PRELID2: variants seen among roughly 807,000 people sequenced by gnomAD.
The protein encoded by PRELID2 is PRELI domain containing 2.
A neutral mutation model predicts 28.4 loss-of-function variants in PRELID2; 25 were observed. The observed-to-expected ratio is 0.88, with a 90% confidence interval of 0.64 to 1.23. The LOEUF (loss-of-function observed/expected upper bound fraction) is 1.23, where lower values mean the gene tolerates loss of function less well. PRELID2 is among the 50% of genes most tolerant of loss of function. The pLI, the probability that PRELID2 is intolerant of heterozygous loss-of-function variation, is 0.00. For synonymous variants in PRELID2, 76 were observed against 71.6 expected (o/e 1.06, Z -0.31); for missense variants, 201 against 214.4 (o/e 0.94, Z 0.39).
In PRELID2 at chr5:145,756,694, G is replaced by A. The variant is rs374810109; in HGVS notation, c.*3842C>T. ...ACTGAAATAATGTCACCAAGTCAAT[G>A]TAGCAAAGTACATTCATTTTTATTG... On this transcript the variant is annotated 3_prime_UTR_variant, in exon 7 of 7. Coordinates refer to ENST00000683046, the MANE Select transcript of PRELID2 (RefSeq NM_205846.3). Among the ~76,000 whole-genome samples, 3 of 152,222 alleles carry A rather than the reference G, an allele frequency of 2.0e-5. No individual in the cohort carries two copies. Among genetic ancestry groups the A allele is most frequent in the African/African-American group, 7.2e-5 (3 of 41,464 alleles).
At chr5:145,434,530 C>T in the PRELID2 span, among the ~76,000 whole-genome samples, 3 of 152,148 alleles carry the variant, frequency 2.0e-5, no homozygotes, top group Non-Finnish European at 4.4e-5. Flanking sequence ...AAACAGCCAT[C>T]GAGGAATCAT....
the PRELID2 span, among the ~76,000 whole-genome samples, chr5:145,389,522 A>G: frequency 6.6e-6 from 1 of 152,154 alleles, no homozygotes; most frequent in African/African-American, 2.4e-5. Flanking sequence ...AAATTTTGCT[A>G]TTCTGGCTGC....
intron 1 of PRELID2, among the ~76,000 whole-genome samples, chr5:145,681,174 G>A (rs1433039): frequency 0.18 from 27,164 of 152,052 alleles, 4,617 homozygotes; most frequent in African/African-American, 0.44. Flanking sequence ...TTCCAAAATC[G>A]TAATGTCCAC....
intron 1 of PRELID2, among the ~76,000 whole-genome samples, chr5:145,641,703 C>T (rs1754110379): frequency 6.6e-6 from 1 of 152,214 alleles, no homozygotes; most frequent in Non-Finnish European, 1.5e-5. Context: ...GTGTGATGTT[C>T]CCCTCCCTGT....
intron 1 of PRELID2, among the ~76,000 whole-genome samples, chr5:145,740,899 T>C (rs1342051186): frequency 1.1e-5 from 1 of 94,730 alleles, no homozygotes; most frequent in Admixed American, 1.5e-4. Context: ...TATTTATCGA[T>C]AAATATATAT....
intron 1 of PRELID2, among the ~76,000 whole-genome samples, chr5:145,702,783 C>T (rs1437823349): frequency 6.6e-6 from 1 of 152,062 alleles, no homozygotes; most frequent in Non-Finnish European, 1.5e-5. Flanking sequence ...ACAGACTAAT[C>T]AAGACTCCCT....
chr5:145,361,708 C>T, the PRELID2 span, among the ~76,000 whole-genome samples: 2 of 152,136 alleles, frequency 1.3e-5, no homozygotes, highest in Non-Finnish European at 2.9e-5. Context: ...TAAAACATCC[C>T]ACAAGGCTCC....
chr5:145,402,606 G>A, the PRELID2 span, among the ~76,000 whole-genome samples: 1 of 152,130 alleles, frequency 6.6e-6, no homozygotes, highest in South Asian at 2.1e-4. Context: ...TTGAAAAAAT[G>A]TTTAACCTCT....
At chr5:145,382,934 A>G in the PRELID2 span, among the ~76,000 whole-genome samples, 6 of 151,898 alleles carry the variant, frequency 4.0e-5, no homozygotes, top group South Asian at 1.2e-3. Context: ...ATATATAACA[A>G]TGATCTATAT....
intron 1 of PRELID2, among the ~76,000 whole-genome samples, chr5:145,528,960 C>T (rs543648989): frequency 6.6e-6 from 1 of 152,232 alleles, no homozygotes; most frequent in African/African-American, 2.4e-5. Flanking sequence ...CCTCCATTCC[C>T]CAACTATATC....
the PRELID2 span, among the ~76,000 whole-genome samples, chr5:145,301,687 T>G: frequency 9.9e-5 from 15 of 152,150 alleles, no homozygotes; most frequent in Non-Finnish European, 2.1e-4. Flanking sequence ...TTGTATATGG[T>G]GTGAAGTAGG....
rs753851226 is a variant in PRELID2 at position 145,817,423 on chromosome 5, A to ATATATATATATTTT, written c.368+470_368+471insAAAATATATATATA. Among the ~76,000 whole-genome samples, 3 of 130,376 alleles carry ATATATATATATTTT rather than the reference A, an allele frequency of 2.3e-5. 1 individual carries two copies. Among genetic ancestry groups the ATATATATATATTTT allele is most frequent in the Non-Finnish European group, 5.0e-5 (3 of 60,292 alleles). 85.5% of individuals were successfully genotyped at this position (130,376 alleles called of 152,430 possible). Reference sequence around the variant, plus strand: ...TGCAATAAAGGAATAAGCTAGTTTTATATATATATATATATATATATATAT... The same window carrying ATATATATATATTTT: ...TGCAATAAAGGAATAAGCTAGTTTTATATATATATATTTTTATATATATATATATATATATATAT... On this transcript the variant is annotated intron_variant, in intron 4 of 6. Coordinates refer to ENST00000683046, the MANE Select transcript of PRELID2 (RefSeq NM_205846.3).
chr5:145,604,699 T>C (rs1006218679), intron 1 of PRELID2, among the ~76,000 whole-genome samples: 16 of 150,442 alleles, frequency 1.1e-4, no homozygotes, highest in African/African-American at 3.7e-4. Flanking sequence ...ACCAGCAGTA[T>C]ATAAGCATTC....
the PRELID2 span, among the ~76,000 whole-genome samples, chr5:145,384,993 A>G: frequency 6.6e-6 from 1 of 152,184 alleles, no homozygotes; most frequent in Admixed American, 6.6e-5. Context: ...ATATCATAAT[A>G]GAAACCAGAA....
chr5:145,799,891 A>G (rs1257310212), intron 4 of PRELID2, among the ~76,000 whole-genome samples: 1 of 152,208 alleles, frequency 6.6e-6, no homozygotes, highest in African/African-American at 2.4e-5. Context: ...TAATGCTTTT[A>G]GGCAATCTCC....
chr5:145,390,693 C>T, the PRELID2 span, among the ~76,000 whole-genome samples: 1 of 152,174 alleles, frequency 6.6e-6, no homozygotes, highest in African/African-American at 2.4e-5. Flanking sequence ...TCATCCCTTT[C>T]TAACAAGCTC....
At chr5:145,479,851 A>T (rs890000676) in intron 1 of PRELID2, among the ~76,000 whole-genome samples, 7 of 152,176 alleles carry the variant, frequency 4.6e-5, no homozygotes, top group Non-Finnish European at 7.4e-5. Flanking sequence ...ATGACAAAAA[A>T]GGGGGGTAAG....
intron 1 of PRELID2, among the ~76,000 whole-genome samples, chr5:145,747,862 A>G (rs570236974): frequency 6.6e-5 from 10 of 152,348 alleles, no homozygotes; most frequent in African/African-American, 1.7e-4. Flanking sequence ...ACATATGCAA[A>G]TCAATAAACA....
At chr5:145,442,419 A>G in the PRELID2 span, among the ~76,000 whole-genome samples, 1 of 152,032 alleles carries the variant, frequency 6.6e-6, no homozygotes, top group Non-Finnish European at 1.5e-5. Flanking sequence ...GCATCACCCT[A>G]TCTCTCTATT....
Sources: gnomAD v4.1 joint callset for allele counts (sites outside exome capture counted in the v4.1 genomes callset) on GRCh38, gnomAD v4.1.1 for gene constraint, MANE v1.5 for transcripts, NCBI Gene and HGNC (gene_info 2026-07-23, HGNC 2026-07-21) for gene names.